Variants in TMED5 observed in about 807,000 individuals in gnomAD.
TMED5 encodes transmembrane emp24 domain-containing protein 5.
Under a neutral mutation model 23.0 loss-of-function variants are expected in TMED5, and 27 were observed. The observed-to-expected ratio is 1.17, with a 90% CI of 0.86 to 1.62. The LOEUF is 1.62. Among genes scored for constraint, TMED5 ranks in the 40% most tolerant of loss-of-function variants. The pLI is 0.00. For synonymous variants in TMED5, 97 were observed against 100.8 expected (o/e 0.96, Z 0.23); for missense variants, 248 against 273.7 (o/e 0.91, Z 0.66).
intron 1 of TMED5, among the ~76,000 whole-genome samples, chr1:93,163,976 C>A (rs1648393441): frequency 6.1e-5 from 8 of 130,534 alleles, no homozygotes; most frequent in Admixed American, 2.4e-4. Flanking sequence ...AGTGAGACTC[C>A]ATCTCAAAAA....
At position 93,180,108 on chromosome 1, in the gene TMED5, C is replaced by G. The variant is rs768589703; in HGVS notation, c.135G>C (p.Lys45Asn). Residue 45 changes from lysine (K) to asparagine (N), a missense_variant, in exon 1 of 4, where the codon AAG becomes AAC. By Grantham distance (94) the Lys-to-Asn change is moderately conservative (BLOSUM62 0). Coordinates refer to ENST00000370282, the MANE Select transcript of TMED5 (RefSeq NM_016040.5). ...GGGGCATGGGCTGGTAGAAGCACTC[C>G]TTCTGGCCGGCGGGAAGGGTAAAGG... Reference protein sequence around the residue: ...DFTFTLPAGQKECFYQPMPLK... With the variant: ...DFTFTLPAGQNECFYQPMPLK... 4 of 1,613,616 alleles carry G rather than the reference C, an allele frequency of 2.5e-6. No homozygotes were observed. In the African/African-American group the frequency reaches 5.3e-5, roughly 22 times the overall value.
intron 1 of TMED5, chr1:93,179,837 T>C: frequency 1.9e-6 from 1 of 519,566 alleles, no homozygotes; most frequent in Non-Finnish European, 3.4e-6. Flanking sequence ...AGAAGGCGGG[T>C]AGTCATCAAT....
chr1:93,163,753 A>C (rs1571276443), intron 1 of TMED5, among the ~76,000 whole-genome samples: 1 of 151,504 alleles, frequency 6.6e-6, no homozygotes, highest in Non-Finnish European at 1.5e-5. Context: ...AGGTGGGTGG[A>C]TCACTTGAGG....
At chr1:93,160,488 A>G (rs1648228631) in intron 1 of TMED5, 1 of 275,198 alleles carries the variant, frequency 3.6e-6, no homozygotes, top group Admixed American at 4.7e-5. Flanking sequence ...TTCCTAAAAT[A>G]GTGGTTTCAT....
Position 93,154,679 on chromosome 1 carries a change from A to C in TMED5, c.681T>G (p.Ser227Arg). The C allele has an allele frequency of 6.2e-7, 1 of 1,612,282 alleles. No individual in the cohort carries two copies. The highest frequency in any genetic ancestry group is 8.5e-7 in the Non-Finnish European group (1 of 1,179,342). Reference protein sequence around the residue: ...LKSLFEDKRKSRT With the variant: ...LKSLFEDKRKRRT ...ACTCTAGTTTGGAGTTTTAAGTTCT[A>C]CTTTTCCTCTTATCTTCAAACAGAC... The change falls in exon 4 of 4, where the codon AGT becomes AGG. Residue 227 changes from serine to arginine, a missense_variant. Physicochemically the swap from Ser to Arg is moderately radical, Grantham distance 110. Coordinates refer to ENST00000370282, the MANE Select transcript of TMED5 (RefSeq NM_016040.5).
chr1:93,171,142 T>C (rs1648715690), intron 1 of TMED5, among the ~76,000 whole-genome samples: 1 of 152,168 alleles, frequency 6.6e-6, no homozygotes, highest in South Asian at 2.1e-4. Flanking sequence ...GCTTCACTCC[T>C]GAAGCCAGCG....
At chr1:93,154,963 T>G in intron 3 of TMED5, 75 bp from the exon 4 acceptor site, 1 of 1,077,530 alleles carries the variant, frequency 9.3e-7, no homozygotes, top group Non-Finnish European at 1.4e-6. Flanking sequence ...TGAGGCTGGG[T>G]GCAGTGACTC....
chr1:93,159,165 G>C (rs1018865913), intron 2 of TMED5, among the ~76,000 whole-genome samples: 3 of 152,074 alleles, frequency 2.0e-5, no homozygotes, highest in Non-Finnish European at 4.4e-5. Context: ...ATAATAGCTA[G>C]TTCTTACAAT....
chr1:93,157,078 CATT>C (rs1234733795), intron 2 of TMED5, among the ~76,000 whole-genome samples: 1 of 152,008 alleles, frequency 6.6e-6, no homozygotes, highest in Admixed American at 6.6e-5. Context: ...AATATTTATA[CATT>C]ATTAAAAGTA....
At chr1:93,159,206 A>G (rs1025918568) in intron 2 of TMED5, among the ~76,000 whole-genome samples, 3 of 152,174 alleles carry the variant, frequency 2.0e-5, no homozygotes, top group Non-Finnish European at 4.4e-5. Context: ...TTCTAAGCAT[A>G]TGGTAGAAAG....
At chr1:93,179,794 AG>A in intron 1 of TMED5, 1 of 456,278 alleles carries the variant, frequency 2.2e-6, no homozygotes, top group Non-Finnish European at 3.9e-6. Flanking sequence ...CGACATCACC[AG>A]TTCTGGCCTC....
intron 1 of TMED5, among the ~76,000 whole-genome samples, chr1:93,175,516 T>C (rs1206046446): frequency 6.6e-6 from 1 of 151,402 alleles, no homozygotes; most frequent in East Asian, 1.9e-4. Context: ...AGACATTTTT[T>C]CCCAAAGATC....
rs1647808732 is a variant in TMED5, at chr1:93,149,776, G to A, written c.*4894C>T. 6.6e-6 allele frequency: 1 copy of A among 152,184 alleles called. No individual in the cohort carries two copies. The highest frequency in any genetic ancestry group is 2.1e-4 in the South Asian group (1 of 4,832). 9.4% of individuals were successfully genotyped at this position (152,184 alleles called of 1,614,324 possible). A position where few individuals can be genotyped will look rare whatever the true frequency, so the allele number is the denominator to read the frequency against. ...ATAACTTTTATTACAATATATTGTT[G>A]TAATTGTTCCATTTTGTTAGCTATT... On this transcript the variant is annotated 3_prime_UTR_variant, in exon 4 of 4. Coordinates refer to ENST00000370282, the MANE Select transcript of TMED5 (RefSeq NM_016040.5).
At chr1:93,178,582 T>G (rs566134149) in intron 1 of TMED5, among the ~76,000 whole-genome samples, 152 of 151,936 alleles carry the variant, frequency 1.0e-3, no homozygotes, top group Non-Finnish European at 7.5e-4. Context: ...ACAACCCAGC[T>G]CCCCCTCCGT....
At chr1:93,174,205 C>T (rs551636317) in intron 1 of TMED5, among the ~76,000 whole-genome samples, 1 of 152,240 alleles carries the variant, frequency 6.6e-6, no homozygotes, top group East Asian at 1.9e-4. Flanking sequence ...CTCCTGACCT[C>T]GTGATCCACC....
chr1:93,153,323 T>C lies in TMED5; in HGVS notation c.*1347A>G, dbSNP rs1273059469. 2 of 152,050 alleles carry C rather than the reference T, an allele frequency of 1.3e-5. No homozygotes were observed. The highest frequency in any genetic ancestry group is 4.8e-5 in the African/African-American group (2 of 41,324). 9.4% of individuals were successfully genotyped at this position (152,050 alleles called of 1,614,324 possible). On this transcript the variant is annotated 3_prime_UTR_variant, in exon 4 of 4. Transcript: ENST00000370282. ...CTTGGGAGTCTATGTTTCTAATCCT[T>C]ACTTCAACATCAATAAATAAAGTGT...
intron 1 of TMED5, chr1:93,163,327 T>TA (rs1220586332): frequency 3.3e-5 from 5 of 150,512 alleles, no homozygotes; most frequent in African/African-American, 1.2e-4. Flanking sequence ...GAAGGTTAAT[T>TA]AAAAAATCAT....
intron 3 of TMED5, chr1:93,156,092 A>G: frequency 6.9e-7 from 1 of 1,439,138 alleles, no homozygotes; most frequent in Non-Finnish European, 9.3e-7. Context: ...GTCCTGGAAG[A>G]TAAGTTATTT....
At chr1:93,155,536 T>C (rs1190164530) in intron 3 of TMED5, among the ~76,000 whole-genome samples, 1 of 127,824 alleles carries the variant, frequency 7.8e-6, no homozygotes, top group South Asian at 2.1e-4. Context: ...ACTAAGGTTT[T>C]TTTTTTTTTT....
Sources: allele counts gnomAD v4.1 joint callset (sites outside exome capture counted in the v4.1 genomes callset), GRCh38; gene constraint gnomAD v4.1.1; transcripts MANE v1.5; gene names NCBI Gene and HGNC (gene_info 2026-07-23, HGNC 2026-07-21).